The following PARD3 variants were observed in gnomAD, a reference collection of about 807,000 sequenced individuals.
The protein encoded by PARD3 is partitioning defective 3 homolog.
Under a neutral mutation model 155.4 loss-of-function variants are expected in PARD3, and 75 were observed. That is an observed-to-expected ratio of 0.48 (90% CI 0.40 to 0.58). The LOEUF is 0.58. PARD3 is among the 20% of genes least tolerant of loss of function. The pLI, the probability that PARD3 is intolerant of heterozygous loss-of-function variation, is 0.00. For synonymous variants in PARD3, 576 were observed against 610.5 expected (o/e 0.94, Z 0.83); for missense variants, 1,642 against 1,721.7 (o/e 0.95, Z 0.82).
At chr10:34,711,590 T>C (rs896679953) in intron 1 of PARD3, among the ~76,000 whole-genome samples, 21 of 152,146 alleles carry the variant, frequency 1.4e-4, no homozygotes, top group Non-Finnish European at 2.9e-4. Flanking sequence ...GCATGGTAAT[T>C]TTTTTACTCT....
intron 2 of PARD3, among the ~76,000 whole-genome samples, chr10:34,616,348 AC>A (rs1309785518): frequency 1.3e-5 from 2 of 152,190 alleles, no homozygotes; most frequent in African/African-American, 4.8e-5. Flanking sequence ...AAAAAGCAGA[AC>A]AATCATACAT....
chr10:34,384,269 A>G lies in PARD3; in HGVS notation c.891-15T>C. ...ACCCCAGGGTTCTGGAACATTAAGA[A>G]TGCAAATGATTACACATGTAATATC... On this transcript the variant is annotated splice_polypyrimidine_tract_variant and intron_variant, in intron 7 of 24. Coordinates refer to ENST00000374788, the MANE Select transcript of PARD3 (RefSeq NM_001184785.2). The G allele has an allele frequency of 6.2e-7, 1 of 1,610,156 alleles. No individual in the cohort carries two copies. The highest frequency in any genetic ancestry group is 8.5e-7 in the Non-Finnish European group (1 of 1,177,674).
intron 2 of PARD3, among the ~76,000 whole-genome samples, chr10:34,636,063 GAAGAAGGA>G (rs1385606616): frequency 6.6e-6 from 1 of 151,506 alleles, no homozygotes. Context: ...AGAAAGGAAG[GAAGAAGGA>G]AGGAAGGAAG....
intron 5 of PARD3, among the ~76,000 whole-genome samples, chr10:34,403,857 T>C (rs1330275184): frequency 1.3e-5 from 2 of 152,214 alleles, no homozygotes; most frequent in Non-Finnish European, 2.9e-5. Flanking sequence ...GATTTGTTTA[T>C]AAACCAGATG....
At chr10:34,727,665 C>T (rs1231040673) in intron 1 of PARD3, among the ~76,000 whole-genome samples, 1 of 152,054 alleles carries the variant, frequency 6.6e-6, no homozygotes, top group Non-Finnish European at 1.5e-5. Flanking sequence ...TTTCTTTCTG[C>T]TCCCGGTCTC....
intron 10 of PARD3, among the ~76,000 whole-genome samples, chr10:34,375,648 C>G (rs758402416): frequency 3.9e-5 from 6 of 152,092 alleles, no homozygotes; most frequent in African/African-American, 7.2e-5. Flanking sequence ...TTTTATCTAA[C>G]AGGAAGTATA....
At chr10:34,155,085 A>G (rs1387791096) in intron 22 of PARD3, among the ~76,000 whole-genome samples, 1 of 152,212 alleles carries the variant, frequency 6.6e-6, no homozygotes, top group Non-Finnish European at 1.5e-5. Flanking sequence ...GAAATGGTAC[A>G]GACCAGGCCA....
intron 22 of PARD3, among the ~76,000 whole-genome samples, chr10:34,146,146 T>C (rs1009319170): frequency 2.1e-4 from 32 of 152,326 alleles, no homozygotes; most frequent in African/African-American, 6.7e-4. Context: ...TGTTTTGGAG[T>C]GATTTCCAAA....
intron 22 of PARD3, among the ~76,000 whole-genome samples, chr10:34,220,132 T>G (rs1360182646): frequency 1.3e-5 from 2 of 152,298 alleles, no homozygotes; most frequent in South Asian, 2.1e-4. Flanking sequence ...TTCACCTTCC[T>G]TTTGTCCTCT....
chr10:34,755,127 C>T (rs1300338901), intron 1 of PARD3, among the ~76,000 whole-genome samples: 1 of 150,758 alleles, frequency 6.6e-6, no homozygotes, highest in Non-Finnish European at 1.5e-5. Context: ...CGAGGCTGGG[C>T]GCGGTGGCTC....
chr10:34,186,550 T>C (rs983032364), intron 22 of PARD3, among the ~76,000 whole-genome samples: 1 of 152,082 alleles, frequency 6.6e-6, no homozygotes, highest in Non-Finnish European at 1.5e-5. Flanking sequence ...CCACAACCAG[T>C]TGCAGAATTT....
At chr10:34,308,732 A>C (rs1285645553) in intron 20 of PARD3, among the ~76,000 whole-genome samples, 1 of 152,194 alleles carries the variant, frequency 6.6e-6, no homozygotes, top group Non-Finnish European at 1.5e-5. Context: ...AGGAGAGGTG[A>C]ATTTGAGAGT....
chr10:34,441,670 G>A (rs746085939), intron 5 of PARD3, among the ~76,000 whole-genome samples: 3 of 152,170 alleles, frequency 2.0e-5, no homozygotes, highest in Non-Finnish European at 4.4e-5. Flanking sequence ...CCACACTCCG[G>A]TCCTGTGCTT....
At chr10:34,340,088 T>C (rs1444458757) in intron 16 of PARD3, among the ~76,000 whole-genome samples, 2 of 152,210 alleles carry the variant, frequency 1.3e-5, no homozygotes, top group African/African-American at 4.8e-5. Flanking sequence ...TAACCCTTCA[T>C]TCATATTATT....
chr10:34,212,507 A>G (rs961356406), intron 22 of PARD3, among the ~76,000 whole-genome samples: 1 of 152,204 alleles, frequency 6.6e-6, no homozygotes, highest in African/African-American at 2.4e-5. Context: ...CTATGAGGGC[A>G]CAGATATATT....
intron 22 of PARD3, among the ~76,000 whole-genome samples, chr10:34,212,388 G>A (rs998396317): frequency 6.6e-6 from 1 of 152,044 alleles, no homozygotes; most frequent in Non-Finnish European, 1.5e-5. Flanking sequence ...TTTCTAGCCC[G>A]ACCCCTGACA....
chr10:34,567,623 A>C (rs2086062888), intron 2 of PARD3, among the ~76,000 whole-genome samples: 1 of 152,248 alleles, frequency 6.6e-6, no homozygotes, highest in Non-Finnish European at 1.5e-5. Context: ...ATCCTTAATT[A>C]ACACAAGGAC....
intron 2 of PARD3, among the ~76,000 whole-genome samples, chr10:34,539,089 T>C (rs2083422365): frequency 6.6e-6 from 1 of 152,202 alleles, no homozygotes; most frequent in Admixed American, 6.5e-5. Flanking sequence ...ATACCAAAAT[T>C]TTGACTACAG....
chr10:34,671,402 T>G (rs964984352), intron 2 of PARD3, among the ~76,000 whole-genome samples: 1 of 152,184 alleles, frequency 6.6e-6, no homozygotes, highest in Non-Finnish European at 1.5e-5. Context: ...ATTTAAAACC[T>G]CCTTCCTCAA....
Sources: gnomAD v4.1 joint callset for allele counts (sites outside exome capture counted in the v4.1 genomes callset) on GRCh38, gnomAD v4.1.1 for gene constraint, MANE v1.5 for transcripts, NCBI Gene and HGNC (gene_info 2026-07-23, HGNC 2026-07-21) for gene names.